The following KIR2DL4 variants were observed in gnomAD, a reference collection of about 807,000 sequenced individuals.
The protein encoded by KIR2DL4 is killer cell immunoglobulin-like receptor 2DL4.
A neutral mutation model predicts 31.0 loss-of-function variants in KIR2DL4; 41 were observed. The observed-to-expected ratio is 1.32, with a 90% CI of 1.03 to 1.72. The LOEUF (loss-of-function observed/expected upper bound fraction) is 1.72. KIR2DL4 is among the 40% of genes most tolerant of loss of function. The pLI, the probability that KIR2DL4 is intolerant of heterozygous loss-of-function variation, is 0.00. For missense variants in KIR2DL4, 438 were observed against 353.7 expected (o/e 1.24, Z -1.91); for synonymous variants, 164 against 133.6 (o/e 1.23, Z -1.57).
chr19:54,810,088 T>C (rs2060768597), intron 5 of KIR2DL4, among the ~76,000 whole-genome samples: 3 of 149,210 alleles, frequency 2.0e-5, no homozygotes, highest in South Asian at 2.2e-4. Flanking sequence ...GAATGATCCA[T>C]TGGGAAGCAT....
At chr19:54,803,762 G>A in intron 1 of KIR2DL4, 71 bp downstream of exon 1, 1 of 1,580,434 alleles carries the variant, frequency 6.3e-7, no homozygotes, top group South Asian at 1.1e-5. Flanking sequence ...CCCCAGCAGA[G>A]AGCCATGTTC....
chr19:54,805,936 C>G lies in KIR2DL4; in HGVS notation c.362-15C>G. 1 of 1,590,428 alleles carries G rather than the reference C, an allele frequency of 6.3e-7. No homozygotes were observed. The highest frequency in any genetic ancestry group is 8.5e-7 in the Non-Finnish European group (1 of 1,170,864). ...GGAAGAACCTCCCTGAGGAAACTGCCTCTTCTCCTTCCAGGTCTATATGAG... is the reference window on the plus strand; with the variant it reads ...GGAAGAACCTCCCTGAGGAAACTGCGTCTTCTCCTTCCAGGTCTATATGAG... On this transcript the variant is annotated splice_polypyrimidine_tract_variant and intron_variant, in intron 3 of 7. Coordinates refer to ENST00000359085, the Ensembl canonical transcript of KIR2DL4.
chr19:54,809,552 C>T (rs1444571926), intron 5 of KIR2DL4, among the ~76,000 whole-genome samples: 10 of 151,340 alleles, frequency 6.6e-5, no homozygotes, highest in Non-Finnish European at 1.3e-4. Flanking sequence ...GACAGCAAGG[C>T]TGCCTTCCCT....
rs1474429133 is a variant in KIR2DL4 at position 54,813,383 on chromosome 19, C to G, written c.810+155C>G. On this transcript the variant is annotated intron_variant, in intron 6 of 7. Coordinates refer to ENST00000359085, the Ensembl canonical transcript of KIR2DL4. ...CTAGAGAGAGCACCAGACACCCTGC[C>G]CCTGCCTTCAGCTCACAGACCGTTG... 2.6e-6 allele frequency: 3 copies of G among 1,163,428 alleles called. No individual in the cohort carries two copies. The African/African-American group carries it at 5.0e-5, about 19-fold the overall frequency. The allele number at this position is 1,163,428 out of a possible 1,614,324, so 72.1% of individuals were successfully genotyped here. A position where few individuals can be genotyped will look rare whatever the true frequency, so the allele number is the denominator to read the frequency against.
exon 4 of KIR2DL4, chr19:54,806,028 A>C: frequency 4.3e-6 from 7 of 1,611,328 alleles, no homozygotes; most frequent in Non-Finnish European, 5.9e-6. Context: ...CTTGTCCTGC[A>C]GCTCCCAGAG....
rs1229890748 is a variant in KIR2DL4 at position 54,813,304 on chromosome 19, T to A, written c.810+76T>A. The A allele has an allele frequency of 2.5e-6, 4 of 1,583,684 alleles. 1 individual carries two copies. The highest frequency in any genetic ancestry group is 3.4e-6 in the Non-Finnish European group (4 of 1,168,794). ...AGGATGGGAGCACGCAGGTGTGTGT[T>A]CCTCACTGGCAGGAAAGTCTCTGGC... On this transcript the variant is annotated intron_variant, in intron 6 of 7. Transcript: ENST00000359085.
intron 5 of KIR2DL4, among the ~76,000 whole-genome samples, chr19:54,809,825 T>C (rs1195314675): frequency 6.6e-6 from 1 of 151,278 alleles, no homozygotes; most frequent in Non-Finnish European, 1.5e-5. Flanking sequence ...TAAAATCATC[T>C]AGGATACCCT....
chr19:54,813,906 A>G lies in KIR2DL4; in HGVS notation c.*106A>G, dbSNP rs1453251990. The G allele has an allele frequency of 6.8e-6, 11 of 1,612,318 alleles. 1 individual carries two copies. The East Asian group carries it at 2.0e-4, about 29-fold the overall frequency. Reference sequence around the variant, plus strand: ...CAGTTGGATCACTGCATTTTCACACAGAGAAAAATCACTGGCCCTTCTCAG... The same window carrying G: ...CAGTTGGATCACTGCATTTTCACACGGAGAAAAATCACTGGCCCTTCTCAG... On this transcript the variant is annotated 3_prime_UTR_variant, in exon 8 of 8. Transcript: ENST00000359085.
chr19:54,809,605 C>T (rs1397782204), intron 5 of KIR2DL4, among the ~76,000 whole-genome samples: 16 of 151,380 alleles, frequency 1.1e-4, no homozygotes, highest in Non-Finnish European at 1.8e-4. Flanking sequence ...CTTTTCCCAG[C>T]TCCTAGAGGC....
intron 3 of KIR2DL4, among the ~76,000 whole-genome samples, 188 bp downstream of exon 3, chr19:54,805,265 C>T (rs960613125): frequency 5.9e-5 from 9 of 151,314 alleles, no homozygotes; most frequent in African/African-American, 2.2e-4. Flanking sequence ...ACATTGTAAT[C>T]CTTGGAGCCT....
chr19:54,805,169 G>A (rs886205639), intron 3 of KIR2DL4, 92 bp downstream of exon 3: 3 of 1,283,076 alleles, frequency 2.3e-6, no homozygotes, highest in Admixed American at 4.5e-5. Flanking sequence ...GATCATCCAG[G>A]CCCCAACTAT....
exon 8 of KIR2DL4, chr19:54,814,085 T>C (rs1435105551): frequency 4.3e-6 from 7 of 1,611,862 alleles, no homozygotes; most frequent in Non-Finnish European, 5.9e-6. Flanking sequence ...GCTTGCCAGC[T>C]CTAATGTACC....
chr19:54,814,201 T>A, exon 8 of KIR2DL4: 1 of 1,424,234 alleles, frequency 7.0e-7, no homozygotes, highest in Admixed American at 1.8e-5. Flanking sequence ...AGGTCCCCAC[T>A]GCCTGCTGCA....
intron 6 of KIR2DL4, chr19:54,813,444 C>A: frequency 2.6e-6 from 2 of 767,712 alleles, no homozygotes; most frequent in Non-Finnish European, 4.1e-6. Flanking sequence ...TCCCCTGCAG[C>A]CACTCACATC....
chr19:54,813,549 A>C (rs1290244301), intron 6 of KIR2DL4, 141 bp from the exon 6 acceptor site: 13 of 874,106 alleles, frequency 1.5e-5, no homozygotes, highest in Non-Finnish European at 2.2e-5. Context: ...GCACTCAGAG[A>C]GATGGAATGT....
chr19:54,804,713 T>A lies in KIR2DL4; in HGVS notation c.77-80T>A, dbSNP rs1273305898. 2.8e-6 allele frequency: 4 copies of A among 1,447,364 alleles called. No homozygotes were observed. The African/African-American group carries it at 4.3e-5, about 16-fold the overall frequency. The allele number at this position is 1,447,364 out of a possible 1,614,324, so 89.7% of individuals were successfully genotyped here. A position where few individuals can be genotyped will look rare whatever the true frequency, so the allele number is the denominator to read the frequency against. ...TGGTAGGAGCCTTAGAAAGAAGAAA[T>A]GGGGAGAATCTTCTGAGCACAGGGA... On this transcript the variant is annotated intron_variant, in intron 2 of 7. Coordinates refer to ENST00000359085, the Ensembl canonical transcript of KIR2DL4.
At chr19:54,803,738 C>T in intron 1 of KIR2DL4, 47 bp downstream of exon 1, 2 of 1,593,320 alleles carry the variant, frequency 1.3e-6, no homozygotes, top group African/African-American at 1.4e-5. Context: ...TATGGGCCTG[C>T]AGATTGGGTG....
At position 54,807,225 on chromosome 19, in the gene KIR2DL4, G is replaced by A. The variant is rs2060582241; in HGVS notation, c.655+981G>A. Among the ~76,000 whole-genome samples the A allele has an allele frequency of 1.3e-5, 2 of 150,526 alleles. 1 individual carries two copies. Among genetic ancestry groups the A allele is most frequent in the Non-Finnish European group, 2.9e-5 (2 of 67,890 alleles). On this transcript the variant is annotated intron_variant, in intron 4 of 7. Transcript: ENST00000359085. ...ACGTTACTCTTTGTATGGATGAGTT[G>A]TCTCCATTGTGTGTATGTACTACTT...
rs2061076764 is a variant in KIR2DL4 at position 54,814,232 on chromosome 19, T to C, written c.*432T>C. On this transcript the variant is annotated 3_prime_UTR_variant, in exon 8 of 8. Coordinates refer to ENST00000359085, the Ensembl canonical transcript of KIR2DL4. ...CTGCAGAGAAAACACACTCCTTTGC[T>C]TAGCCCACAATTCTCTATTTCACTT... The C allele has an allele frequency of 6.9e-6, 8 of 1,153,588 alleles. No individual in the cohort carries two copies. In the Admixed American group the frequency reaches 1.7e-4, roughly 25 times the overall value. 71.5% of individuals were successfully genotyped at this position (1,153,588 alleles called of 1,614,324 possible).
Sources: gnomAD v4.1 joint callset for allele counts (sites outside exome capture counted in the v4.1 genomes callset) on GRCh38, gnomAD v4.1.1 for gene constraint, MANE v1.5 for transcripts, NCBI Gene and HGNC (gene_info 2026-07-23, HGNC 2026-07-21) for gene names.